The following MYO1D variants were observed in gnomAD, a reference collection of about 807,000 sequenced individuals.
The protein encoded by MYO1D is unconventional myosin-Id.
In MYO1D, 83 loss-of-function variants were observed where a neutral mutation model predicts 122.0. The ratio of observed to expected loss-of-function variants is 0.68; its 90% CI spans 0.57 to 0.82. The LOEUF (loss-of-function observed/expected upper bound fraction) is 0.82, where lower values mean the gene tolerates loss of function less well. Among genes scored for constraint, MYO1D ranks in the 40% least tolerant of loss-of-function variants. The probability of loss-of-function intolerance (pLI) is 0.00; values close to 1 mark genes in which losing one functional copy is unlikely to be tolerated. For missense variants in MYO1D, 1,157 were observed against 1,269.5 expected (o/e 0.91, Z 1.35); for synonymous variants, 464 against 446.9 (o/e 1.04, Z -0.48).
intron 4 of MYO1D, among the ~76,000 whole-genome samples, chr17:32,774,261 T>C (rs2090152564): frequency 6.6e-6 from 1 of 152,240 alleles, no homozygotes. Flanking sequence ...AAGACCCCCA[T>C]GGATTGTATA....
chr17:32,874,298 C>CTCTCTCTCTCTCTCTG (rs1567681549), intron 1 of MYO1D, among the ~76,000 whole-genome samples: 5 of 47,286 alleles, frequency 1.1e-4, no homozygotes, highest in South Asian at 5.3e-4. Flanking sequence ...TTATCTGTCT[C>CTCTCTCTCTCTCTCTG]TGTCTCTCTC....
rs1254015955 is a variant in MYO1D at position 32,844,298 on chromosome 17, A to G, written c.95+32480T>C. 8.2e-5 allele frequency among the ~76,000 whole-genome samples: 12 copies of G among 145,988 alleles called. No homozygotes were observed. The South Asian group carries it at 2.5e-3, about 31-fold the overall frequency. On this transcript the variant is annotated intron_variant, in intron 1 of 21. Transcript: ENST00000318217. ...TATGATATATATATCATATGTATAT[A>G]TTATAATATGCATATGTATATATTA...
rs1218203236 is a variant in MYO1D, at chr17:32,679,225, T to C, written c.2122-19887A>G. Among the ~76,000 whole-genome samples the C allele has an allele frequency of 4.7e-5, 7 of 150,024 alleles. No homozygotes were observed. In the East Asian group the frequency reaches 1.4e-3, roughly 29 times the overall value. ...TTTGTAGGTTGCCTGTTCACTCTGATGGTAGTTTCTTTTGCTGTGCAGAAG... is the reference window on the plus strand; with the variant it reads ...TTTGTAGGTTGCCTGTTCACTCTGACGGTAGTTTCTTTTGCTGTGCAGAAG... On this transcript the variant is annotated intron_variant, in intron 16 of 21. Transcript: ENST00000318217.
At chr17:32,831,745 T>C (rs944509106) in intron 1 of MYO1D, among the ~76,000 whole-genome samples, 5 of 152,252 alleles carry the variant, frequency 3.3e-5, no homozygotes, top group Non-Finnish European at 7.3e-5. Flanking sequence ...CTTTTCTACA[T>C]ACTTAAATGC....
rs1157207463 is a variant in MYO1D, at chr17:32,760,412, A to G, written c.1182-8T>C. ...ATACAGAATTGTTCAAAACTACAAG[A>G]AAAGGAATAAATTAAGTTTCAACAA... On this transcript the variant is annotated splice_polypyrimidine_tract_variant and splice_region_variant and intron_variant, in intron 9 of 21. Transcript: ENST00000318217. The G allele has an allele frequency of 6.2e-7, 1 of 1,605,088 alleles. No homozygotes were observed. Among genetic ancestry groups the G allele is most frequent in the African/African-American group, 1.3e-5 (1 of 74,684 alleles).
chr17:32,768,238 CA>C (rs1405618247), intron 6 of MYO1D, among the ~76,000 whole-genome samples: 2 of 152,212 alleles, frequency 1.3e-5, no homozygotes, highest in Non-Finnish European at 2.9e-5. Context: ...GGCGGGCCCT[CA>C]AAAGCAAAAC....
chr17:32,640,452 T>A (rs1375572524), intron 19 of MYO1D, among the ~76,000 whole-genome samples: 2 of 146,170 alleles, frequency 1.4e-5, no homozygotes, highest in African/African-American at 5.1e-5. Context: ...ATTAGGTATA[T>A]CTCCCAATGC....
intron 16 of MYO1D, among the ~76,000 whole-genome samples, chr17:32,686,964 A>AACACACACACACACACAC (rs57125657): frequency 6.9e-6 from 1 of 145,432 alleles, no homozygotes; most frequent in Non-Finnish European, 1.5e-5. Flanking sequence ...CCTGTTTCAA[A>AACACACACACACACACAC]ACACACACAC....
At chr17:32,856,974 T>C (rs939922503) in intron 1 of MYO1D, among the ~76,000 whole-genome samples, 7 of 152,190 alleles carry the variant, frequency 4.6e-5, no homozygotes, top group African/African-American at 1.4e-4. Context: ...TTTCCATATG[T>C]ATGAAGCAGG....
At chr17:32,575,178 AC>A (rs948104261) in intron 21 of MYO1D, among the ~76,000 whole-genome samples, 1 of 152,244 alleles carries the variant, frequency 6.6e-6, no homozygotes, top group African/African-American at 2.4e-5. Flanking sequence ...ATGATAAAAA[AC>A]ATTCTAGAGT....
chr17:32,742,244 G>T (rs1164211160), intron 13 of MYO1D, among the ~76,000 whole-genome samples: 2 of 152,114 alleles, frequency 1.3e-5, no homozygotes, highest in Non-Finnish European at 2.9e-5. Context: ...TTATATAAGG[G>T]ACTTGAACAT....
At chr17:32,745,116 A>G (rs1296586466) in intron 13 of MYO1D, 95 bp downstream of exon 13, 1 of 713,232 alleles carries the variant, frequency 1.4e-6, no homozygotes, top group Non-Finnish European at 2.4e-6. Context: ...AATGTGCCAG[A>G]AACTCTTAAA....
intron 1 of MYO1D, among the ~76,000 whole-genome samples, chr17:32,845,749 G>A (rs1288668450): frequency 1.7e-4 from 26 of 152,308 alleles, no homozygotes; most frequent in East Asian, 1.9e-4. Context: ...CAGGTGGCTC[G>A]TGGCTACTGC....
chr17:32,495,276 C>T (rs1466838823), intron 21 of MYO1D, among the ~76,000 whole-genome samples: 1 of 152,232 alleles, frequency 6.6e-6, no homozygotes, highest in African/African-American at 2.4e-5. Flanking sequence ...CTAATCCATC[C>T]TGCGGGAGAC....
In MYO1D at chr17:32,623,738, G is replaced by GATTT; in HGVS notation, c.2709+14980_2709+14983dup. ...AAACTGGTGGCTTATAAACAACAGA[G>GATTT]ATTTACTCCTCACGGTTCTGGAAGC... On this transcript the variant is annotated intron_variant, in intron 20 of 21. Coordinates refer to ENST00000318217, the MANE Select transcript of MYO1D (RefSeq NM_015194.3). Among the ~76,000 whole-genome samples, 3 of 152,304 alleles carry GATTT rather than the reference G, an allele frequency of 2.0e-5. 1 individual carries two copies. Among genetic ancestry groups the GATTT allele is most frequent in the Admixed American group, 2.0e-4 (3 of 15,298 alleles).
At chr17:32,746,511 T>C (rs1177026202) in intron 12 of MYO1D, among the ~76,000 whole-genome samples, 2 of 152,204 alleles carry the variant, frequency 1.3e-5, no homozygotes, top group Non-Finnish European at 2.9e-5. Flanking sequence ...CTATTACTCA[T>C]ATGGCAATTA....
chr17:32,570,535 G>A (rs1208601221), intron 21 of MYO1D, among the ~76,000 whole-genome samples: 1 of 152,028 alleles, frequency 6.6e-6, no homozygotes, highest in East Asian at 1.9e-4. Context: ...TGTATTTTTA[G>A]TAGAGACGGG....
chr17:32,564,940 T>C (rs2087159053), intron 21 of MYO1D, among the ~76,000 whole-genome samples: 1 of 152,248 alleles, frequency 6.6e-6, no homozygotes, highest in African/African-American at 2.4e-5. Context: ...TCACCCTTGA[T>C]GATAACTCTT....
intron 21 of MYO1D, among the ~76,000 whole-genome samples, chr17:32,501,413 C>T (rs940503394): frequency 2.0e-5 from 3 of 152,218 alleles, no homozygotes; most frequent in Non-Finnish European, 4.4e-5. Context: ...CCCTCATTCC[C>T]GAGGGGGTCC....
Sources: allele counts gnomAD v4.1 joint callset (sites outside exome capture counted in the v4.1 genomes callset), GRCh38; gene constraint gnomAD v4.1.1; transcripts MANE v1.5; gene names NCBI Gene and HGNC (gene_info 2026-07-23, HGNC 2026-07-21).